Variants in PPM1M observed in about 807,000 individuals in gnomAD.
PPM1M encodes protein phosphatase, Mg2+/Mn2+ dependent 1M.
PPM1M carries 44 observed loss-of-function variants against 50.8 expected under a neutral mutation model. The ratio of observed to expected loss-of-function variants is 0.87; its 90% CI spans 0.68 to 1.11. The LOEUF (loss-of-function observed/expected upper bound fraction) is 1.11, where lower values mean the gene tolerates loss of function less well. Among genes scored for constraint, PPM1M ranks in the 50% most tolerant of loss-of-function variants. PPM1M has a pLI of 0.00. For synonymous variants in PPM1M, 224 were observed against 242.9 expected, an observed-to-expected ratio of 0.92 and a Z score of 0.72; for missense variants, 556 against 593.4, an observed-to-expected ratio of 0.94 and a Z score of 0.66.
Position 52,246,846 on chromosome 3 carries a change from T to TGATGTGAGTTTGGGGCTGAAGAAGAGTGG in PPM1M, c.342+34_342+35insGATGTGAGTTTGGGGCTGAAGAAGAGTGG. On this transcript the variant is annotated intron_variant, in intron 2 of 9. Coordinates refer to ENST00000323588, the MANE Select transcript of PPM1M (RefSeq NM_144641.4). ...AGTCTGAGTTCTTGGCTGGAATCCC[T>TGATGTGAGTTTGGGGCTGAAGAAGAGTGG]CCGACAGGCTGGGGCCACGACCTGC... 2 of 1,465,696 alleles carry TGATGTGAGTTTGGGGCTGAAGAAGAGTGG rather than the reference T, an allele frequency of 1.4e-6. 1 individual carries two copies. Among genetic ancestry groups the TGATGTGAGTTTGGGGCTGAAGAAGAGTGG allele is most frequent in the Non-Finnish European group, 1.8e-6 (2 of 1,093,026 alleles). 90.8% of individuals were successfully genotyped at this position (1,465,696 alleles called of 1,614,324 possible). A position where few individuals can be genotyped will look rare whatever the true frequency, so the allele number is the denominator to read the frequency against.
Position 52,249,778 on chromosome 3 carries a change from C to T in PPM1M, c.1344C>T (p.Pro448=), listed in dbSNP as rs374352403. Reference sequence around the variant, plus strand: ...ATGACGTCTCTGTGTTCGTGATTCCCTTGCACAGTCAGGGCCAAGAGAGCA... The same window carrying T: ...ATGACGTCTCTGTGTTCGTGATTCCTTTGCACAGTCAGGGCCAAGAGAGCA... The part of the protein sequence containing the change: ...SYDDVSVFVI[P]LHSQGQESSD... Residue 448 remains proline (P), a synonymous_variant, in exon 10 of 10, where the codon CCC becomes CCT. Coordinates refer to ENST00000323588, the MANE Select transcript of PPM1M (RefSeq NM_144641.4). 2 of 1,613,688 alleles carry T rather than the reference C, an allele frequency of 1.2e-6. No homozygotes were observed. The highest frequency in any genetic ancestry group is 2.7e-5 in the African/African-American group (2 of 74,930).
rs375950020 is a variant in PPM1M, at chr3:52,249,852, C to T, written c.*38C>T. 41 of 1,586,304 alleles carry T rather than the reference C, an allele frequency of 2.6e-5. 1 individual carries two copies. Among genetic ancestry groups the T allele is most frequent in the East Asian group, 4.5e-5 (2 of 44,170 alleles). ...TGTATCCCAGAACTGCTCTAGTGCC[C>T]GGGTGTGGTCTGGGCATCCCTCCAG... is the stretch of plus-strand genomic sequence containing the variant. On this transcript the variant is annotated 3_prime_UTR_variant, in exon 10 of 10. Transcript: ENST00000323588.
In PPM1M at chr3:52,248,227, T is replaced by C; in HGVS notation, c.785T>C (p.Ile262Thr). 6.2e-7 allele frequency: 1 copy of C among 1,613,242 alleles called. No individual in the cohort carries two copies. Among genetic ancestry groups the C allele is most frequent in the Non-Finnish European group, 8.5e-7 (1 of 1,179,582 alleles). The change falls in exon 5 of 10, where the codon ATC (isoleucine) becomes ACC (threonine). Residue 262 changes from isoleucine (I) to threonine (T), a missense_variant. Ile to Thr is a moderately conservative substitution (Grantham distance 89). Transcript: ENST00000323588. The stretch of plus-strand genomic sequence containing the variant: ...ACCCCAGAGACTGAGCGGCAGCGGA[T>C]CCAGCAGCTGGTAGGTGCCCTTGGC... ...EFTPETERQR[I>T]QQLAFVYPEL... is the part of the protein sequence containing the mutation.
In PPM1M at chr3:52,250,154, A is replaced by G; in HGVS notation, c.*340A>G. On this transcript the variant is annotated 3_prime_UTR_variant, in exon 10 of 10. Transcript: ENST00000323588. ...ATTCTCAGATAGGGGCACCCAAGCT[A>G]AGGGTATTAGCCAAAGATGCCAGGA... The G allele has an allele frequency of 4.2e-6, 1 of 238,896 alleles. No individual in the cohort carries two copies. Among genetic ancestry groups the G allele is most frequent in the Non-Finnish European group, 8.6e-6 (1 of 116,720 alleles). 14.8% of individuals were successfully genotyped at this position (238,896 alleles called of 1,614,324 possible).
In PPM1M at chr3:52,249,039, G is replaced by A. The variant is rs754985718; in HGVS notation, c.1062G>A (p.Lys354=). The change falls in exon 8 of 10, where the codon AAG becomes AAA. Residue 354 remains lysine (K), a synonymous_variant. Coordinates refer to ENST00000323588, the MANE Select transcript of PPM1M (RefSeq NM_144641.4). ...TCCTGGACACAAACATCCAGCTCAA[G>A]CCCTTCTTGCTCTCTGTGCCACAGG... The part of the protein sequence containing the change: ...LRVLDTNIQL[K]PFLLSVPQVT... 1 of 1,610,948 alleles carries A rather than the reference G, an allele frequency of 6.2e-7. No homozygotes were observed. Among genetic ancestry groups the A allele is most frequent in the East Asian group, 2.2e-5 (1 of 44,766 alleles).
intron 3 of PPM1M, 40 bp downstream of exon 3, chr3:52,247,268 T>C: frequency 1.3e-6 from 2 of 1,569,338 alleles, no homozygotes; most frequent in Non-Finnish European, 1.7e-6. Context: ...AGTGGAGATT[T>C]TGCCCCGGGG....
chr3:52,249,414 G>A (rs899959589), intron 9 of PPM1M, 92 bp downstream of exon 9: 1 of 1,490,266 alleles, frequency 6.7e-7, no homozygotes, highest in African/African-American at 1.4e-5. Flanking sequence ...CACTGACAAT[G>A]AGCTGGCAGC....
intron 6 of PPM1M, 27 bp downstream of exon 6, chr3:52,248,480 A>T: frequency 9.3e-6 from 15 of 1,604,322 alleles, no homozygotes; most frequent in Non-Finnish European, 1.3e-5. Flanking sequence ...GACAGGTAGG[A>T]AGGGAGACCC....
chr3:52,249,575 T>G, intron 9 of PPM1M, 95 bp from the exon 10 acceptor site: 1 of 1,551,690 alleles, frequency 6.4e-7, no homozygotes, highest in Non-Finnish European at 8.8e-7. Context: ...ATTGCTTGGG[T>G]CCCCATGTCC....
chr3:52,248,283 G>A (rs1434727829), intron 5 of PPM1M, 46 bp downstream of exon 5: 1 of 1,606,172 alleles, frequency 6.2e-7, no homozygotes, highest in East Asian at 2.2e-5. Flanking sequence ...CCAACTCCTG[G>A]GTCCAGGGCC....
rs1699845422 is a variant in PPM1M, at chr3:52,245,845, G to A, written c.21G>A (p.Arg7=). The part of the protein sequence containing the change: MSAGWF[R]RRFLPGEPLP... ...GCGCCATGTCCGCCGGCTGGTTCCG[G>A]CGCCGCTTCCTGCCTGGGGAGCCGC... Residue 7 remains arginine, a synonymous_variant, in exon 1 of 10, where the codon CGG becomes CGA. Transcript: ENST00000323588. This position sits in a 1 kb window ranked among gnomAD's most constrained non-coding sequence, Gnocchi z 4.8. 1.9e-6 allele frequency: 2 copies of A among 1,076,440 alleles called. No homozygotes were observed. The highest frequency in any genetic ancestry group is 2.3e-6 in the Non-Finnish European group (2 of 880,406). The allele number at this position is 1,076,440 out of a possible 1,614,324, so 66.7% of individuals were successfully genotyped here. A position where few individuals can be genotyped will look rare whatever the true frequency, so the allele number is the denominator to read the frequency against.
At position 52,246,246 on chromosome 3, in the gene PPM1M, C is replaced by T. The variant is rs559820332; in HGVS notation, c.224+198C>T. On this transcript the variant is annotated intron_variant, in intron 1 of 9. Transcript: ENST00000323588. The stretch of plus-strand genomic sequence containing the variant: ...TTTTCCTTGGGATTCCGACCTCCCC[C>T]TCAGAGAAGACAGGAGGTCGGGAAG... 188 of 1,017,492 alleles carry T rather than the reference C, an allele frequency of 1.8e-4. No individual in the cohort carries two copies. The African/African-American group carries it at 2.9e-3, about 16-fold the overall frequency. 63.0% of individuals were successfully genotyped at this position (1,017,492 alleles called of 1,614,324 possible).
chr3:52,249,557 C>A, intron 9 of PPM1M, 113 bp from the exon 10 acceptor site: 1 of 1,473,648 alleles, frequency 6.8e-7, no homozygotes, highest in South Asian at 1.3e-5. Context: ...GGTCCACAGT[C>A]GGACTGCATT....
rs374106406 is a variant in PPM1M at position 52,248,345 on chromosome 3, A to C, written c.806A>C (p.Tyr269Ser). ...RQRIQQLAFV[Y>S]PELLAGEFTR... ...GCCTCCCCACCCCAGGCCTTTGTCT[A>C]TCCTGAGCTTCTGGCTGGTGAGTTC... Residue 269 changes from tyrosine to serine, a missense_variant, in exon 6 of 10, where the codon TAT (tyrosine) becomes TCT (serine). Tyr to Ser is a moderately radical substitution (Grantham distance 144). Coordinates refer to ENST00000323588, the MANE Select transcript of PPM1M (RefSeq NM_144641.4). 63 of 1,612,458 alleles carry C rather than the reference A, an allele frequency of 3.9e-5. 1 individual carries two copies. Among genetic ancestry groups the C allele is most frequent in the Middle Eastern group, 3.3e-4 (2 of 6,082 alleles).
chr3:52,249,132 G>A (rs1325974329), intron 8 of PPM1M, 42 bp from the exon 9 acceptor site: 1 of 1,611,552 alleles, frequency 6.2e-7, no homozygotes, highest in Non-Finnish European at 8.5e-7. Flanking sequence ...GCTGGTGGGA[G>A]TCGGGAAGGG....
At chr3:52,248,276 A>C (rs1279487350) in intron 5 of PPM1M, 39 bp downstream of exon 5, 1 of 1,606,866 alleles carries the variant, frequency 6.2e-7, no homozygotes, top group African/African-American at 1.3e-5. Flanking sequence ...TGAAGCTCCA[A>C]CTCCTGGGTC....
chr3:52,247,837 G>T (rs1480157792), intron 4 of PPM1M, 43 bp downstream of exon 4: 1 of 1,099,550 alleles, frequency 9.1e-7, no homozygotes. Flanking sequence ...GGATGGGGAG[G>T]GCATAAGCAG....
rs543558695 is a variant in PPM1M, at chr3:52,246,080, C to T, written c.224+32C>T. The stretch of plus-strand genomic sequence containing the variant: ...GCCCCTCCCCGACCCCCAGCTCAGG[C>T]CCGGGCCTGAACCCGCTTCGGGTCC... On this transcript the variant is annotated intron_variant, in intron 1 of 9. Coordinates refer to ENST00000323588, the MANE Select transcript of PPM1M (RefSeq NM_144641.4). The T allele has an allele frequency of 3.9e-4, 419 of 1,072,864 alleles. 5 individuals are homozygous for T. In the South Asian group the frequency reaches 6.6e-3, roughly 17 times the overall value. 66.5% of individuals were successfully genotyped at this position (1,072,864 alleles called of 1,614,324 possible).
At chr3:52,246,422 C>A in intron 1 of PPM1M, 1 of 1,029,944 alleles carries the variant, frequency 9.7e-7, no homozygotes, top group Non-Finnish European at 1.2e-6. Flanking sequence ...TGGGCTGCGA[C>A]AGGACAGGGG....
Sources: gnomAD v4.1 joint callset for allele counts on GRCh38, gnomAD v4.1.1 for gene constraint, Gnocchi (gnomAD v3.1) non-coding constraint, MANE v1.5 for transcripts, NCBI Gene and HGNC (gene_info 2026-07-23, HGNC 2026-07-21) for gene names.